MPP1: variants seen among roughly 807,000 people sequenced by gnomAD.
MPP1 encodes the protein MAGUK p55 scaffold protein 1, also known as 55 kDa erythrocyte membrane protein.
Under a neutral mutation model 38.2 loss-of-function variants are expected in MPP1, and 6 were observed. That is an observed-to-expected ratio of 0.16 (90% CI 0.09 to 0.31). The LOEUF (loss-of-function observed/expected upper bound fraction) is 0.31. Among genes scored for constraint, MPP1 ranks in the 10% least tolerant of loss-of-function variants. MPP1 has a pLI of 1.00. For missense variants in MPP1, 293 were observed against 368.9 expected (o/e 0.79, Z 1.69); for synonymous variants, 153 against 146.3 (o/e 1.05, Z -0.33).
intron 1 of MPP1, chrX:154,804,688 A>G (rs1557268974): frequency 2.9e-6 from 1 of 341,858 alleles, no homozygotes; most frequent in Non-Finnish European, 5.9e-6. Context: ...ACAGATAAGC[A>G]CAACCTACCC....
chrX:154,783,358 T>C (rs1228149032), intron 9 of MPP1, 69 bp downstream of exon 9: 1 of 577,017 alleles, frequency 1.7e-6, no homozygotes, highest in Non-Finnish European at 2.6e-6. Flanking sequence ...AAAATAACAC[T>C]ATGGTATTTC....
intron 5 of MPP1, among the ~76,000 whole-genome samples, chrX:154,789,623 C>G (rs2072117902): frequency 9.0e-6 from 1 of 111,502 alleles, no homozygotes; most frequent in African/African-American, 3.3e-5. Context: ...TCTTCATTCC[C>G]TTTACCCATT....
intron 1 of MPP1, among the ~76,000 whole-genome samples, chrX:154,801,792 A>AAAAAAAAAAAAAAAAT (rs1730364215): frequency 1.0e-5 from 1 of 99,747 alleles, no homozygotes; most frequent in Non-Finnish European, 2.0e-5. Flanking sequence ...AAAAACAAAA[A>AAAAAAAAAAAAAAAAT]ACAGAAAAAA....
At chrX:154,796,091 A>T (rs2072193208) in intron 1 of MPP1, among the ~76,000 whole-genome samples, 1 of 107,532 alleles carries the variant, frequency 9.3e-6, no homozygotes, top group Non-Finnish European at 1.9e-5. Context: ...ATCAGGGTTG[A>T]AGGATTTCTT....
intron 1 of MPP1, among the ~76,000 whole-genome samples, chrX:154,801,985 C>T (rs1557268766): frequency 9.0e-6 from 1 of 110,655 alleles, no homozygotes; most frequent in Non-Finnish European, 1.9e-5. Flanking sequence ...CAGCAAGATC[C>T]AAGTCTGCAG....
Position 154,786,237 on chromosome X carries a change from G to A in MPP1, c.644C>T (p.Ala215Val). 1.7e-6 allele frequency: 2 copies of A among 1,211,531 alleles called. No individual in the cohort carries two copies. Among genetic ancestry groups the A allele is most frequent in the Non-Finnish European group, 2.2e-6 (2 of 895,294 alleles). Residue 215 changes from alanine (A) to valine (V), a missense_variant, in exon 6 of 12, where the codon GCA becomes GTA. Transcript: ENST00000369534. Reference sequence around the variant, plus strand: ...CAGCTCAGGGGAAGGGATCAATCCTGCTGACTCCTTGGAGGAGCCTTCCAC... The same window carrying A: ...CAGCTCAGGGGAAGGGATCAATCCTACTGACTCCTTGGAGGAGCCTTCCAC... ...GRVEGSSKES[A>V]GLIPSPELQE...
At position 154,785,212 on chromosome X, in the gene MPP1, C is replaced by CA. The variant is rs2072057812; in HGVS notation, c.678-56_678-55insT. 6 of 903,950 alleles carry CA rather than the reference C, an allele frequency of 6.6e-6. No individual in the cohort carries two copies. The South Asian group carries it at 1.2e-4, about 19-fold the overall frequency. 74.5% of individuals were successfully genotyped at this position (903,950 alleles called of 1,213,427 possible). A position where few individuals can be genotyped will look rare whatever the true frequency, so the allele number is the denominator to read the frequency against. ...CTTTCCTCCCCCTCCCCTCATACCC[C>CA]CCCCAGCCACTCAGTCTCTAATGGC... is the stretch of plus-strand genomic sequence containing the variant. On this transcript the variant is annotated intron_variant, in intron 6 of 11. Transcript: ENST00000369534.
chrX:154,792,469 A>G (rs1557267865), intron 1 of MPP1, 184 bp from the exon 2 acceptor site: 13 of 489,744 alleles, frequency 2.7e-5, no homozygotes, highest in Non-Finnish European at 3.5e-5. Context: ...TAGACATGTC[A>G]GCCAAGTGTG....
chrX:154,804,776 C>T (rs1000982646), intron 1 of MPP1: 5 of 340,896 alleles, frequency 1.5e-5, no homozygotes, highest in African/African-American at 1.3e-4. Context: ...CTTGTTCCAC[C>T]CGCAAATATA....
intron 1 of MPP1, among the ~76,000 whole-genome samples, chrX:154,801,289 G>T (rs2072258313): frequency 8.9e-6 from 1 of 112,310 alleles, no homozygotes; most frequent in South Asian, 3.7e-4. Context: ...TAAGGGAATT[G>T]ATCTTAACCT....
intron 1 of MPP1, 82 bp from the exon 2 acceptor site, chrX:154,792,367 C>T: frequency 1.9e-6 from 2 of 1,068,688 alleles, no homozygotes; most frequent in South Asian, 4.6e-5. Flanking sequence ...TTCTAACATT[C>T]AAGAGGCTCT....
At chrX:154,796,755 G>A (rs1296678537) in intron 1 of MPP1, among the ~76,000 whole-genome samples, 1 of 112,509 alleles carries the variant, frequency 8.9e-6, no homozygotes, top group Non-Finnish European at 1.9e-5. Flanking sequence ...ACATGTCCAT[G>A]ATAGGAAGTT....
At chrX:154,802,426 T>G (rs1208541435) in intron 1 of MPP1, among the ~76,000 whole-genome samples, 9 of 111,553 alleles carry the variant, frequency 8.1e-5, no homozygotes, top group African/African-American at 2.9e-4. Context: ...TTGGTGGAAA[T>G]TTGCCTGGAG....
In MPP1 at chrX:154,779,019, G is replaced by A; in HGVS notation, c.*158C>T. The A allele has an allele frequency of 1.9e-6, 1 of 522,024 alleles. No homozygotes were observed. The highest frequency in any genetic ancestry group is 3.0e-6 in the Non-Finnish European group (1 of 332,473). The allele number at this position is 522,024 out of a possible 1,213,427, so 43.0% of individuals were successfully genotyped here. On this transcript the variant is annotated 3_prime_UTR_variant, in exon 12 of 12. Coordinates refer to ENST00000369534, the MANE Select transcript of MPP1 (RefSeq NM_002436.4). ...GAGAATCAACCCTTCAGGAGCCTGAGCAAGAAGACTGAACCTTACTGGCTG... is the reference window on the plus strand; with the variant it reads ...GAGAATCAACCCTTCAGGAGCCTGAACAAGAAGACTGAACCTTACTGGCTG...
chrX:154,792,889 A>C (rs1557267898), intron 1 of MPP1, among the ~76,000 whole-genome samples: 1 of 111,527 alleles, frequency 9.0e-6, no homozygotes, highest in Non-Finnish European at 1.9e-5. Context: ...ATACATTGCC[A>C]CTGTGACTTC....
In MPP1 at chrX:154,784,066, C is replaced by T. The variant is rs782247159; in HGVS notation, c.827G>A (p.Arg276Gln). Residue 276 changes from arginine (R) to glutamine (Q), a missense_variant, in exon 8 of 12, where the codon CGG (arginine) becomes CAG (glutamine). Arg to Gln is a conservative substitution (Grantham distance 43). Transcript: ENST00000369534. ...LDVVSYEEVV[R>Q]LPAFKRKTLV... is the part of the protein sequence containing the mutation. ...GGTCTTCCTCTTGAATGCAGGGAGC[C>T]GAACGACTTCCTCGTAGGAAACAAC... 4 of 1,209,858 alleles carry T rather than the reference C, an allele frequency of 3.3e-6. No individual in the cohort carries two copies. Among genetic ancestry groups the T allele is most frequent in the South Asian group, 1.8e-5 (1 of 56,736 alleles).
chrX:154,780,526 C>G lies in MPP1; in HGVS notation c.1224+713G>C, dbSNP rs781879943. Among the ~76,000 whole-genome samples, 15 of 112,986 alleles carry G rather than the reference C, an allele frequency of 1.3e-4. No homozygotes were observed. The Middle Eastern group carries it at 0.018, about 138-fold the overall frequency. ...TGGCAAAAAAAGAAAATTTTGACAA[C>G]ATGCTGCAGGCAAAGAGAAACAAGC... On this transcript the variant is annotated intron_variant, in intron 11 of 11. Transcript: ENST00000369534.
Position 154,781,666 on chromosome X carries a change from G to T in MPP1, c.1083C>A (p.Thr361=). 1 of 1,211,555 alleles carries T rather than the reference G, an allele frequency of 8.3e-7. No individual in the cohort carries two copies. The highest frequency in any genetic ancestry group is 1.1e-6 in the Non-Finnish European group (1 of 895,465). The part of the protein sequence containing the change: ...FGSYQGNMFG[T]KFETVHQIHK... Reference sequence around the variant, plus strand: ...GGATCTGGTGCACTGTTTCAAATTTGGTGCCAAACATGTTGCCTTGGTAGC... The same window carrying T: ...GGATCTGGTGCACTGTTTCAAATTTTGTGCCAAACATGTTGCCTTGGTAGC... The change falls in exon 10 of 12, where the codon ACC becomes ACA. Residue 361 remains threonine, a synonymous_variant. Coordinates refer to ENST00000369534, the MANE Select transcript of MPP1 (RefSeq NM_002436.4).
intron 6 of MPP1, 54 bp downstream of exon 6, chrX:154,786,150 C>T (rs1419418035): frequency 3.8e-6 from 4 of 1,064,799 alleles, no homozygotes; most frequent in Non-Finnish European, 3.8e-6. Context: ...TTTTCTGAAG[C>T]TAAGTTATTT....
Sources: allele counts gnomAD v4.1 joint callset (sites outside exome capture counted in the v4.1 genomes callset), GRCh38; gene constraint gnomAD v4.1.1; transcripts MANE v1.5; gene names NCBI Gene and HGNC (gene_info 2026-07-23, HGNC 2026-07-21).